The following PPT1 variants were observed in gnomAD, a reference collection of about 807,000 sequenced individuals.
The protein encoded by PPT1 is ceroid-palmitoyl-palmitoyl-protein thioesterase 1.
A neutral mutation model predicts 44.0 loss-of-function variants in PPT1; 24 were observed. The ratio of observed to expected loss-of-function variants is 0.54; its 90% confidence interval spans 0.39 to 0.77. The LOEUF is 0.77. Ranked by LOEUF, PPT1 falls within the 30% of genes least tolerant of loss-of-function variation. The pLI, the probability that PPT1 is intolerant of heterozygous loss-of-function variation, is 0.00. For missense variants in PPT1, 341 were observed against 378.8 expected (o/e 0.90, Z 0.83); for synonymous variants, 148 against 140.2 (o/e 1.06, Z -0.39).
chr1:40,091,348 C>T lies in PPT1; in HGVS notation c.414G>A (p.Ser138=), dbSNP rs375016993. 25 of 1,613,854 alleles carry T rather than the reference C, an allele frequency of 1.5e-5. No individual in the cohort carries two copies. Among genetic ancestry groups the T allele is most frequent in the Admixed American group, 3.3e-5 (2 of 59,980 alleles). Residue 138 remains serine, a synonymous_variant, in exon 4 of 9, where the codon TCG becomes TCA. Coordinates refer to ENST00000642050, the MANE Select transcript of PPT1 (RefSeq NM_000310.4). The stretch of plus-strand genomic sequence containing the variant: ...AGTTACCTTGATGTTGTCCCCCAAC[C>T]GAGATCAGATTGATCATGGGAGGTG... The part of the protein sequence containing the change: ...CPSPPMINLI[S]VGGQHQGVFG...
intron 7 of PPT1, among the ~76,000 whole-genome samples, chr1:40,078,275 G>A (rs1468885157): frequency 6.6e-6 from 1 of 152,206 alleles, no homozygotes; most frequent in Non-Finnish European, 1.5e-5. Flanking sequence ...TTGGCTCACT[G>A]CAAGCTCTGC....
Position 40,080,292 on chromosome 1 carries a change from T to G in PPT1, c.627+105A>C, listed in dbSNP as rs3122428. 886,239 of 1,183,728 alleles carry G rather than the reference T, an allele frequency of 0.75. 332,659 individuals carry two copies. The highest frequency in any genetic ancestry group is 0.78 in the Middle Eastern group (4,047 of 5,178). 73.3% of individuals were successfully genotyped at this position (1,183,728 alleles called of 1,614,324 possible). The stretch of plus-strand genomic sequence containing the variant: ...AAAAAACAGAACTTCTCTTTCCTAG[T>G]GTCTGCCCAGGACAGTTTGGGTAAA... On this transcript the variant is annotated intron_variant, in intron 6 of 8. Transcript: ENST00000642050.
At chr1:40,071,720 T>C (rs900826834), downstream of PPT1, 12 of 575,642 alleles carry the variant, frequency 2.1e-5, no homozygotes, top group Middle Eastern at 4.6e-4. Flanking sequence ...AGCAGGTCAG[T>C]TGATCTTCTG....
chr1:40,074,699 C>G (rs1252605213), intron 8 of PPT1, among the ~76,000 whole-genome samples: 1 of 151,970 alleles, frequency 6.6e-6, no homozygotes, highest in Admixed American at 6.6e-5. Flanking sequence ...GATCTCCTGA[C>G]CTCAGGTGAT....
chr1:40,094,859 T>C (rs1649761555), intron 1 of PPT1, among the ~76,000 whole-genome samples: 1 of 152,188 alleles, frequency 6.6e-6, no homozygotes, highest in South Asian at 2.1e-4. Context: ...TGCCTCTGCC[T>C]CCCCTGTAAC....
At chr1:40,071,795 G>A (rs1648095287), downstream of PPT1, 3 of 518,084 alleles carry the variant, frequency 5.8e-6, no homozygotes, top group Non-Finnish European at 1.0e-5. Flanking sequence ...AGGAACTGCC[G>A]ACTAGGACTG....
At chr1:40,091,453 C>A in intron 3 of PPT1, 54 bp from the exon 4 acceptor site, 3 of 1,461,098 alleles carry the variant, frequency 2.1e-6, no homozygotes, top group East Asian at 2.3e-5. Context: ...ATGTATCATC[C>A]ACAATCAGCA....
At chr1:40,086,780 A>G (rs1268135069) in intron 5 of PPT1, among the ~76,000 whole-genome samples, 2 of 151,228 alleles carry the variant, frequency 1.3e-5, no homozygotes, top group South Asian at 4.2e-4. Context: ...GGAGAGAAAG[A>G]AGCAGCGACA....
rs1294056746 is a variant in PPT1 at position 40,097,140 on chromosome 1, C to T, written c.99G>A (p.Leu33=). The T allele has an allele frequency of 1.9e-6, 3 of 1,614,014 alleles. No homozygotes were observed. The highest frequency in any genetic ancestry group is 3.3e-5 in the Admixed American group (2 of 60,006). Residue 33 remains leucine, a synonymous_variant, in exon 1 of 9, where the codon CTG becomes CTA. Coordinates refer to ENST00000642050, the MANE Select transcript of PPT1 (RefSeq NM_000310.4). ...CCATCCCATGCCAGATCACCAACGGCAGCGGCGCCGGCGGGTCCAGATGCT... is the reference window on the plus strand; with the variant it reads ...CCATCCCATGCCAGATCACCAACGGTAGCGGCGCCGGCGGGTCCAGATGCT... ...ALQHLDPPAP[L]PLVIWHGMGD...
At chr1:40,094,324 A>G (rs111235581) in intron 1 of PPT1, among the ~76,000 whole-genome samples, 1 of 152,292 alleles carries the variant, frequency 6.6e-6, no homozygotes, top group African/African-American at 2.4e-5. Context: ...GATCCCTCAC[A>G]TGCGCAGTTC....
rs1347654984 is a variant in PPT1 at position 40,090,456 on chromosome 1, G to GTC, written c.433+872_433+873insGA. Among the ~76,000 whole-genome samples, 299 of 151,818 alleles carry GTC rather than the reference G, an allele frequency of 2.0e-3. 4 individuals carry two copies. Among genetic ancestry groups the GTC allele is most frequent in the African/African-American group, 7.1e-3 (292 of 41,412 alleles). On this transcript the variant is annotated intron_variant, in intron 4 of 8. Transcript: ENST00000642050. ...TGCATATGTGTATATATATGTCTATGTATGTATGTGCATATATGTGCACAT... is the reference window on the plus strand; with the variant it reads ...TGCATATGTGTATATATATGTCTATGTCTATGTATGTGCATATATGTGCACAT...
chr1:40,080,596 C>T lies in PPT1; in HGVS notation c.537-109G>A. ...AGACTTTAAAAGGACAAAAGGCCAG[C>T]CAGGCACAGTGGCTCACACCTGTAA... On this transcript the variant is annotated intron_variant, in intron 5 of 8. Coordinates refer to ENST00000642050, the MANE Select transcript of PPT1 (RefSeq NM_000310.4). 3.8e-6 allele frequency: 4 copies of T among 1,048,538 alleles called. No homozygotes were observed. The South Asian group carries it at 5.0e-5, about 13-fold the overall frequency. The allele number at this position is 1,048,538 out of a possible 1,614,324, so 65.0% of individuals were successfully genotyped here. A position where few individuals can be genotyped will look rare whatever the true frequency, so the allele number is the denominator to read the frequency against.
At chr1:40,078,682 T>G (rs1268426046) in intron 6 of PPT1, 24 bp from the exon 7 acceptor site, 2 of 1,574,580 alleles carry the variant, frequency 1.3e-6, no homozygotes, top group Admixed American at 3.3e-5. Flanking sequence ...CAGCAACACC[T>G]AAGGTCATTA....
rs780857963 is a variant in PPT1 at position 40,078,693 on chromosome 1, C to T, written c.628-35G>A. Reference sequence around the variant, plus strand: ...AGGCCAGCAACACCTAAGGTCATTACCATCAGACACCAGCAGAGGGAGTAA... The same window carrying T: ...AGGCCAGCAACACCTAAGGTCATTATCATCAGACACCAGCAGAGGGAGTAA... On this transcript the variant is annotated intron_variant, in intron 6 of 8. Transcript: ENST00000642050. 3 of 1,524,682 alleles carry T rather than the reference C, an allele frequency of 2.0e-6. No homozygotes were observed. In the South Asian group the frequency reaches 3.4e-5, roughly 17 times the overall value. 94.4% of individuals were successfully genotyped at this position (1,524,682 alleles called of 1,614,324 possible).
chr1:40,090,471 T>C (rs35811816), intron 4 of PPT1, among the ~76,000 whole-genome samples: 13,782 of 152,218 alleles, frequency 0.091, 692 homozygotes, highest in East Asian at 0.15. Flanking sequence ...TATGTGCATA[T>C]ATGTGCACAT....
intron 1 of PPT1, chr1:40,093,909 T>G: frequency 1.6e-6 from 1 of 610,336 alleles, no homozygotes; most frequent in South Asian, 1.9e-5. Flanking sequence ...AAAAAATCCA[T>G]ATAGGCCAAG....
chr1:40,093,741 CG>C (rs1157693607), intron 1 of PPT1, among the ~76,000 whole-genome samples: 4 of 131,854 alleles, frequency 3.0e-5, no homozygotes, highest in East Asian at 2.3e-4. Context: ...AAAAATTAGC[CG>C]GGTGTGGTGG....
At chr1:40,083,708 G>A (rs1649106159) in intron 5 of PPT1, among the ~76,000 whole-genome samples, 1 of 152,078 alleles carries the variant, frequency 6.6e-6, no homozygotes, top group South Asian at 2.1e-4. Flanking sequence ...TGATCCCTTT[G>A]ATGCATCTGG....
chr1:40,091,235 T>C, intron 4 of PPT1, 94 bp downstream of exon 4: 1 of 1,268,900 alleles, frequency 7.9e-7, no homozygotes, highest in Non-Finnish European at 1.1e-6. Context: ...GAATGGCTGA[T>C]GTCTTGTGCA....
Sources: allele counts gnomAD v4.1 joint callset (sites outside exome capture counted in the v4.1 genomes callset), GRCh38; gene constraint gnomAD v4.1.1; transcripts MANE v1.5; gene names NCBI Gene and HGNC (gene_info 2026-07-23, HGNC 2026-07-21).